The following ATP11C variants were observed in gnomAD, a reference collection of about 807,000 sequenced individuals.
ATP11C encodes ATPase phospholipid transporting 11C (ATP11C blood group), also known as phospholipid-transporting ATPase IG.
Under a neutral mutation model 97.4 loss-of-function variants are expected in ATP11C, and 36 were observed. That is an observed-to-expected ratio of 0.37 (90% CI 0.28 to 0.49). ATP11C has a LOEUF of 0.49. ATP11C is among the 20% of genes least tolerant of loss of function. The probability of loss-of-function intolerance (pLI) is 0.98; values close to 1 mark genes in which losing one functional copy is unlikely to be tolerated. For synonymous variants in ATP11C, 275 were observed against 290.9 expected, an observed-to-expected ratio of 0.95 and a Z score of 0.56; for missense variants, 730 against 824.6, an observed-to-expected ratio of 0.89 and a Z score of 1.40.
intron 1 of ATP11C, among the ~76,000 whole-genome samples, chrX:139,837,631 A>G (rs1225038367): frequency 8.9e-6 from 1 of 112,519 alleles, no homozygotes; most frequent in African/African-American, 3.2e-5. Flanking sequence ...GCATTACTTA[A>G]GGGAAGAAAA....
intron 1 of ATP11C, among the ~76,000 whole-genome samples, chrX:139,882,478 G>A (rs1487411449): frequency 2.7e-5 from 3 of 111,412 alleles, no homozygotes; most frequent in African/African-American, 9.8e-5. Context: ...CTCCAAAGGG[G>A]TGCTCCCAAC....
At chrX:139,742,583 C>T (rs1297585529) in intron 26 of ATP11C, among the ~76,000 whole-genome samples, 1 of 110,527 alleles carries the variant, frequency 9.0e-6, no homozygotes, top group African/African-American at 3.3e-5. Context: ...AAGGTATTTA[C>T]TCATGGAACC....
chrX:139,840,904 G>A (rs2083819372), intron 1 of ATP11C, among the ~76,000 whole-genome samples: 1 of 110,272 alleles, frequency 9.1e-6, no homozygotes, highest in South Asian at 3.8e-4. Context: ...ACTACAAATT[G>A]GGTTCAGTGT....
At chrX:139,828,199 G>GC in intron 1 of ATP11C, among the ~76,000 whole-genome samples, 1 of 111,571 alleles carries the variant, frequency 9.0e-6, no homozygotes, top group Non-Finnish European at 1.9e-5. Context: ...TTATCTGCCT[G>GC]CCCAAAGACA....
chrX:139,925,747 A>G lies in ATP11C; in HGVS notation c.27+6269T>C, dbSNP rs111997514. ...AGAGACGTCTAAAAAACAAATGATG[A>G]TATCTGCTTGAACAGCAATATCATC... On this transcript the variant is annotated intron_variant, in intron 1 of 29. Coordinates refer to ENST00000682941, the MANE Select transcript of ATP11C (RefSeq NM_001353812.2). Among the ~76,000 whole-genome samples the G allele has an allele frequency of 8.8e-3, 981 of 111,783 alleles. 16 individuals carry two copies. Among genetic ancestry groups the G allele is most frequent in the African/African-American group, 0.031 (945 of 30,740 alleles).
intron 1 of ATP11C, among the ~76,000 whole-genome samples, chrX:139,862,069 G>C (rs2084209278): frequency 9.0e-6 from 1 of 111,351 alleles, no homozygotes; most frequent in South Asian, 3.8e-4. Flanking sequence ...TGAGCTTTTT[G>C]TCCAATCACA....
At chrX:139,917,198 T>C (rs1231880423) in intron 1 of ATP11C, among the ~76,000 whole-genome samples, 1 of 111,573 alleles carries the variant, frequency 9.0e-6, no homozygotes, top group African/African-American at 3.3e-5. Flanking sequence ...ACTTATAAAC[T>C]ATCAATTAAA....
intron 2 of ATP11C, among the ~76,000 whole-genome samples, chrX:139,821,668 T>C (rs919110349): frequency 8.9e-6 from 1 of 112,193 alleles, no homozygotes; most frequent in Non-Finnish European, 1.9e-5. Flanking sequence ...ATTCTGATTA[T>C]TCCCTTCATA....
intron 1 of ATP11C, among the ~76,000 whole-genome samples, chrX:139,843,798 T>C (rs1167204276): frequency 4.5e-5 from 5 of 110,253 alleles, no homozygotes; most frequent in Non-Finnish European, 9.4e-5. Flanking sequence ...TATAAAGCAA[T>C]TATGAAACAG....
intron 1 of ATP11C, among the ~76,000 whole-genome samples, chrX:139,827,527 C>G (rs2083556581): frequency 9.0e-6 from 1 of 111,023 alleles, no homozygotes; most frequent in Admixed American, 9.6e-5. Context: ...TTTATCCCAC[C>G]CTTTAATTTT....
At chrX:139,837,097 A>C (rs2083761080) in intron 1 of ATP11C, among the ~76,000 whole-genome samples, 1 of 111,605 alleles carries the variant, frequency 9.0e-6, no homozygotes, top group Non-Finnish European at 1.9e-5. Flanking sequence ...AAAACGCATG[A>C]CTTCACAAAA....
chrX:139,857,945 T>G (rs1290960817), intron 1 of ATP11C, among the ~76,000 whole-genome samples: 3 of 112,242 alleles, frequency 2.7e-5, no homozygotes, highest in Non-Finnish European at 5.6e-5. Flanking sequence ...ATGATGGTAT[T>G]AAGAGGTGGG....
intron 14 of ATP11C, among the ~76,000 whole-genome samples, chrX:139,787,628 T>C (rs1242775197): frequency 1.8e-5 from 2 of 112,878 alleles, no homozygotes; most frequent in African/African-American, 6.4e-5. Flanking sequence ...GGGTAACTCA[T>C]GCTTGTTTAT....
chrX:139,927,809 TTAGAATACTAG>T (rs2085376197), intron 1 of ATP11C, among the ~76,000 whole-genome samples: 2 of 111,385 alleles, frequency 1.8e-5, no homozygotes, highest in Non-Finnish European at 3.8e-5. Context: ...ATTCTAATTC[TTAGAATACTAG>T]TAATGTATAC....
intron 25 of ATP11C, among the ~76,000 whole-genome samples, chrX:139,744,286 AG>A (rs200955632): frequency 8.9e-6 from 1 of 112,431 alleles, no homozygotes; most frequent in African/African-American, 3.2e-5. Flanking sequence ...AGCAAAAAAA[AG>A]GATTCACTCA....
intron 12 of ATP11C, among the ~76,000 whole-genome samples, chrX:139,791,253 T>A (rs968886034): frequency 9.0e-6 from 1 of 111,504 alleles, no homozygotes; most frequent in African/African-American, 3.3e-5. Flanking sequence ...TCTTCCAGTT[T>A]AAATGAAATT....
At chrX:139,786,259 C>T (rs1371242510) in intron 15 of ATP11C, among the ~76,000 whole-genome samples, 1 of 111,566 alleles carries the variant, frequency 9.0e-6, no homozygotes, top group East Asian at 2.8e-4. Context: ...AAATAAACAA[C>T]TAGTATTTTT....
chrX:139,828,834 G>A lies in ATP11C; in HGVS notation c.28-2011C>T, dbSNP rs182673942. 3.6e-5 allele frequency among the ~76,000 whole-genome samples: 4 copies of A among 112,045 alleles called. No homozygotes were observed. The East Asian group carries it at 1.1e-3, about 31-fold the overall frequency. On this transcript the variant is annotated intron_variant, in intron 1 of 29. Transcript: ENST00000682941. Reference sequence around the variant, plus strand: ...AGCAACCACTGATTAACTTAAAACAGAAATGGACTAGTGCTTTCCCAATTC... The same window carrying A: ...AGCAACCACTGATTAACTTAAAACAAAAATGGACTAGTGCTTTCCCAATTC...
At chrX:139,833,003 T>C (rs1417639028) in intron 1 of ATP11C, among the ~76,000 whole-genome samples, 1 of 112,365 alleles carries the variant, frequency 8.9e-6, no homozygotes, top group Non-Finnish European at 1.9e-5. Flanking sequence ...GAAGAATTTT[T>C]ATTACAGTTT....
Sources: gnomAD v4.1 joint callset for allele counts (sites outside exome capture counted in the v4.1 genomes callset) on GRCh38, gnomAD v4.1.1 for gene constraint, MANE v1.5 for transcripts, NCBI Gene and HGNC (gene_info 2026-07-23, HGNC 2026-07-21) for gene names.